Variants in CHRM2 observed in about 807,000 individuals in gnomAD.
The protein encoded by CHRM2 is cholinergic receptor muscarinic 2.
Under a neutral mutation model 25.0 loss-of-function variants are expected in CHRM2, and 8 were observed. The ratio of observed to expected loss-of-function variants is 0.32; its 90% CI spans 0.19 to 0.58. The LOEUF is 0.58. CHRM2 is among the 20% of genes least tolerant of loss of function. The probability of loss-of-function intolerance (pLI) is 0.88; values close to 1 mark genes in which losing one functional copy is unlikely to be tolerated. For synonymous variants in CHRM2, 202 were observed against 205.7 expected (o/e 0.98, Z 0.15); for missense variants, 440 against 567.1 (o/e 0.78, Z 2.28).
At chr7:136,995,654 C>T (rs973763997) in intron 3 of CHRM2, among the ~76,000 whole-genome samples, 17 of 151,954 alleles carry the variant, frequency 1.1e-4, no homozygotes, top group African/African-American at 3.9e-4. Context: ...GTCCAAGTTA[C>T]TCTGGAGGCT....
chr7:136,921,705 C>A (rs1422991099), intron 2 of CHRM2, among the ~76,000 whole-genome samples: 1 of 152,026 alleles, frequency 6.6e-6, no homozygotes, highest in African/African-American at 2.4e-5. Flanking sequence ...AAAAAGTCAG[C>A]CTTCTCTGAT....
intron 3 of CHRM2, among the ~76,000 whole-genome samples, chr7:137,006,418 G>C (rs1286549652): frequency 1.3e-5 from 2 of 152,030 alleles, no homozygotes; most frequent in South Asian, 4.1e-4. Context: ...TTTTGAAGAG[G>C]AGAAAAGATA....
At chr7:136,988,602 C>T (rs1333353341) in intron 2 of CHRM2, among the ~76,000 whole-genome samples, 1 of 152,082 alleles carries the variant, frequency 6.6e-6, no homozygotes, top group Non-Finnish European at 1.5e-5. Context: ...TCAGCTTCAA[C>T]CTGTACTCTT....
At chr7:136,965,403 T>C (rs1234373943) in intron 2 of CHRM2, among the ~76,000 whole-genome samples, 2 of 152,226 alleles carry the variant, frequency 1.3e-5, no homozygotes, top group Admixed American at 6.5e-5. Context: ...TTATTTCTCA[T>C]GGACAAGAGC....
At chr7:136,877,681 A>G (rs190153352) in intron 2 of CHRM2, among the ~76,000 whole-genome samples, 1 of 152,048 alleles carries the variant, frequency 6.6e-6, no homozygotes, top group Non-Finnish European at 1.5e-5. Flanking sequence ...ATGTTGTTGC[A>G]TTCTGATGAT....
intron 2 of CHRM2, chr7:136,871,946 C>G (rs899559581): frequency 1.3e-5 from 2 of 152,180 alleles, no homozygotes; most frequent in Non-Finnish European, 2.9e-5. Context: ...TGCAGCAATA[C>G]AATGGATAAG....
In CHRM2 at chr7:136,966,042, T is replaced by C. The variant is rs530385426; in HGVS notation, c.-124-26145T>C. Among the ~76,000 whole-genome samples the C allele has an allele frequency of 1.9e-4, 29 of 152,048 alleles. 1 individual carries two copies. The highest frequency in any genetic ancestry group is 7.0e-4 in the African/African-American group (29 of 41,564). ...AGAGGGAGACAGAACTCTGATAATA[T>C]TGTTTTTCTTCTACATTTTTCTATG... On this transcript the variant is annotated intron_variant, in intron 2 of 3. Transcript: ENST00000680005.
At chr7:136,890,149 A>C (rs1219650356) in intron 2 of CHRM2, among the ~76,000 whole-genome samples, 4 of 152,230 alleles carry the variant, frequency 2.6e-5, no homozygotes, top group Non-Finnish European at 4.4e-5. Context: ...ATACATTTCT[A>C]ATCTTGGGAA....
At chr7:136,915,854 A>G (rs528666900) in intron 2 of CHRM2, among the ~76,000 whole-genome samples, 1 of 149,216 alleles carries the variant, frequency 6.7e-6, no homozygotes, top group African/African-American at 2.5e-5. Flanking sequence ...TTTTGAAAAG[A>G]AACATTTTTT....
At chr7:136,896,203 G>T (rs1796895103) in intron 2 of CHRM2, among the ~76,000 whole-genome samples, 1 of 152,124 alleles carries the variant, frequency 6.6e-6, no homozygotes, top group South Asian at 2.1e-4. Context: ...GAAAATGAGG[G>T]GGTAGGAGTA....
At chr7:136,884,493 T>TG (rs1796384249) in intron 2 of CHRM2, among the ~76,000 whole-genome samples, 1 of 151,904 alleles carries the variant, frequency 6.6e-6, no homozygotes, top group Non-Finnish European at 1.5e-5. Flanking sequence ...GCCTTTTTTT[T>TG]TTTTTGGTTG....
intron 2 of CHRM2, among the ~76,000 whole-genome samples, chr7:136,934,325 T>C (rs979106167): frequency 6.6e-6 from 1 of 152,086 alleles, no homozygotes; most frequent in Non-Finnish European, 1.5e-5. Context: ...CTAACATCTA[T>C]TTTCTATTTT....
chr7:136,946,448 G>GTGCTATTGCTATATTTCAGA (rs1350856804), intron 2 of CHRM2, among the ~76,000 whole-genome samples: 1 of 152,082 alleles, frequency 6.6e-6, no homozygotes, highest in African/African-American at 2.4e-5. Flanking sequence ...GACTTCACTG[G>GTGCTATTGCTATATTTCAGA]TGCTATTGCT....
chr7:136,899,946 CA>C (rs1249736409), intron 2 of CHRM2: 2 of 152,034 alleles, frequency 1.3e-5, no homozygotes, highest in Non-Finnish European at 2.9e-5. Context: ...GGGGAAAAAT[CA>C]ATATTGAAAA....
chr7:136,883,763 T>G (rs950333184), intron 2 of CHRM2, among the ~76,000 whole-genome samples: 30 of 152,126 alleles, frequency 2.0e-4, no homozygotes, highest in African/African-American at 7.0e-4. Context: ...AATTTAGTGG[T>G]AAGATTTTGT....
intron 2 of CHRM2, among the ~76,000 whole-genome samples, chr7:136,912,593 T>C (rs1055976407): frequency 1.3e-5 from 2 of 151,866 alleles, no homozygotes; most frequent in African/African-American, 4.8e-5. Flanking sequence ...TCTTATCTTA[T>C]CAATGGGTAG....
intron 2 of CHRM2, among the ~76,000 whole-genome samples, chr7:136,986,907 A>C (rs112479343): frequency 0.01 from 1,588 of 152,288 alleles, 30 homozygotes; most frequent in African/African-American, 0.036. Flanking sequence ...CAATTTATTT[A>C]TTAGTATATG....
At chr7:136,974,621 T>C (rs1236248790) in intron 2 of CHRM2, among the ~76,000 whole-genome samples, 1 of 152,158 alleles carries the variant, frequency 6.6e-6, no homozygotes, top group African/African-American at 2.4e-5. Context: ...TGGGGCTGTA[T>C]TATATTATTT....
chr7:137,013,858 A>G (rs1231800492), intron 3 of CHRM2, among the ~76,000 whole-genome samples: 1 of 152,052 alleles, frequency 6.6e-6, no homozygotes, highest in Non-Finnish European at 1.5e-5. Flanking sequence ...CTCAATAGAT[A>G]TGTGAGCACA....
Sources: allele counts gnomAD v4.1 joint callset (sites outside exome capture counted in the v4.1 genomes callset), GRCh38; gene constraint gnomAD v4.1.1; transcripts MANE v1.5; gene names NCBI Gene and HGNC (gene_info 2026-07-23, HGNC 2026-07-21).